DAB1: variants seen among roughly 807,000 people sequenced by gnomAD.
DAB1 encodes the protein disabled homolog 1.
DAB1 carries 15 observed loss-of-function variants against 64.6 expected under a neutral mutation model. The ratio of observed to expected loss-of-function variants is 0.23; its 90% CI spans 0.16 to 0.36. The LOEUF (loss-of-function observed/expected upper bound fraction) is 0.36. Among genes scored for constraint, DAB1 ranks in the 10% least tolerant of loss-of-function variants. The probability of loss-of-function intolerance (pLI) is 1.00; values close to 1 mark genes in which losing one functional copy is unlikely to be tolerated. For synonymous variants in DAB1, 235 were observed against 251.9 expected, an observed-to-expected ratio of 0.93 and a Z score of 0.64; for missense variants, 596 against 706.7, an observed-to-expected ratio of 0.84 and a Z score of 1.78.
chr1:58,029,526 G>T (rs1293225060), intron 5 of DAB1, among the ~76,000 whole-genome samples: 2 of 152,190 alleles, frequency 1.3e-5, no homozygotes, highest in Non-Finnish European at 2.9e-5. Context: ...GGGGCTGGGA[G>T]CCCACAGGCA....
intron 7 of DAB1, among the ~76,000 whole-genome samples, chr1:57,634,430 T>A (rs1385265271): frequency 1.3e-5 from 2 of 152,152 alleles, no homozygotes; most frequent in Non-Finnish European, 2.9e-5. Context: ...TCTTTTAGGA[T>A]TACTCTAAGG....
At chr1:57,446,051 G>T (rs1050154575) in intron 7 of DAB1, among the ~76,000 whole-genome samples, 2 of 152,120 alleles carry the variant, frequency 1.3e-5, no homozygotes, top group African/African-American at 4.8e-5. Flanking sequence ...CCAATTTTAT[G>T]ATTTCAGGTA....
intron 5 of DAB1, among the ~76,000 whole-genome samples, chr1:57,923,427 A>G (rs1334482714): frequency 6.6e-6 from 1 of 152,214 alleles, no homozygotes; most frequent in African/African-American, 2.4e-5. Context: ...GTCAGTGTCT[A>G]TGACCTGGGG....
chr1:57,429,449 A>AT (rs1278349813), intron 7 of DAB1, among the ~76,000 whole-genome samples: 1 of 152,034 alleles, frequency 6.6e-6, no homozygotes, highest in Non-Finnish European at 1.5e-5. Flanking sequence ...TTGCCTTTTC[A>AT]TTTTTTTGAT....
intron 6 of DAB1, among the ~76,000 whole-genome samples, chr1:57,651,338 T>C (rs528848240): frequency 1.7e-4 from 26 of 152,310 alleles, no homozygotes; most frequent in African/African-American, 6.3e-4. Context: ...TGGAGTTACA[T>C]ATATATAAAC....
At chr1:57,406,575 G>A (rs2101045041) in intron 1 of DAB1, among the ~76,000 whole-genome samples, 1 of 152,234 alleles carries the variant, frequency 6.6e-6, no homozygotes. Flanking sequence ...CCTTGTAATG[G>A]CACTGAGGTA....
At chr1:58,253,318 C>T (rs1660848962) in intron 4 of DAB1, among the ~76,000 whole-genome samples, 1 of 152,198 alleles carries the variant, frequency 6.6e-6, no homozygotes, top group Non-Finnish European at 1.5e-5. Flanking sequence ...ACCCCACCAC[C>T]ACTGGCAACT....
At chr1:57,914,444 G>T in intron 5 of DAB1, among the ~76,000 whole-genome samples, 1 of 120,974 alleles carries the variant, frequency 8.3e-6, no homozygotes, top group African/African-American at 3.1e-5. Context: ...CGGGGGGAGG[G>T]ATAGCATTAG....
intron 4 of DAB1, among the ~76,000 whole-genome samples, chr1:57,119,149 T>C (rs1241317683): frequency 6.6e-6 from 1 of 152,208 alleles, no homozygotes; most frequent in Non-Finnish European, 1.5e-5. Context: ...TTCAACTATT[T>C]ACATACAGGG....
At chr1:57,651,227 A>G (rs1002651682) in intron 6 of DAB1, among the ~76,000 whole-genome samples, 2 of 152,172 alleles carry the variant, frequency 1.3e-5, no homozygotes, top group African/African-American at 2.4e-5. Flanking sequence ...ATCACAGCCT[A>G]GTGATTTTCC....
chr1:58,230,906 G>A (rs554989410), intron 4 of DAB1, among the ~76,000 whole-genome samples: 10 of 152,192 alleles, frequency 6.6e-5, no homozygotes, highest in Non-Finnish European at 1.0e-4. Flanking sequence ...GGTTAAGGCC[G>A]TGAGTTCTGG....
At chr1:57,649,865 G>A (rs1374956544) in intron 6 of DAB1, among the ~76,000 whole-genome samples, 1 of 152,162 alleles carries the variant, frequency 6.6e-6, no homozygotes, top group Non-Finnish European at 1.5e-5. Context: ...TAGGCAAGAG[G>A]TAGTCACAGA....
At chr1:57,765,702 A>G (rs940268262) in intron 6 of DAB1, among the ~76,000 whole-genome samples, 3 of 151,042 alleles carry the variant, frequency 2.0e-5, no homozygotes, top group Admixed American at 1.3e-4. Flanking sequence ...ACAGCTACCC[A>G]CTCCTCCTCC....
intron 3 of DAB1, among the ~76,000 whole-genome samples, chr1:58,425,578 T>C (rs1213937785): frequency 6.6e-6 from 1 of 151,856 alleles, no homozygotes; most frequent in Non-Finnish European, 1.5e-5. Context: ...AGGACAAATA[T>C]AGGATGAAAT....
chr1:57,384,380 C>T (rs952291051), intron 1 of DAB1, among the ~76,000 whole-genome samples: 9 of 152,140 alleles, frequency 5.9e-5, no homozygotes, highest in African/African-American at 2.2e-4. Context: ...ATAGAATTAC[C>T]ATATTATTCA....
intron 1 of DAB1, among the ~76,000 whole-genome samples, chr1:57,396,003 T>C (rs1406982407): frequency 6.6e-6 from 1 of 152,184 alleles, no homozygotes; most frequent in Non-Finnish European, 1.5e-5. Flanking sequence ...TACAGCAGCA[T>C]AGCAGGCAAC....
At chr1:57,461,228 G>C (rs894254246) in intron 7 of DAB1, among the ~76,000 whole-genome samples, 3 of 152,262 alleles carry the variant, frequency 2.0e-5, no homozygotes, top group East Asian at 3.9e-4. Context: ...TCTTTATTTT[G>C]TTGACTCTCA....
At chr1:58,358,196 G>A (rs1644129171) in intron 3 of DAB1, among the ~76,000 whole-genome samples, 1 of 152,190 alleles carries the variant, frequency 6.6e-6, no homozygotes, top group Non-Finnish European at 1.5e-5. Flanking sequence ...AAAATGTGGG[G>A]ATAGGATGTT....
At chr1:57,316,789 C>G (rs1248691303) in intron 1 of DAB1, among the ~76,000 whole-genome samples, 1 of 152,078 alleles carries the variant, frequency 6.6e-6, no homozygotes. Flanking sequence ...GTGACGGCAA[C>G]CTACATAAGG....
Sources: allele counts gnomAD v4.1 joint callset (sites outside exome capture counted in the v4.1 genomes callset), GRCh38; gene constraint gnomAD v4.1.1; transcripts MANE v1.5; gene names NCBI Gene and HGNC (gene_info 2026-07-23, HGNC 2026-07-21).